Variants in FOSL2 observed in about 807,000 individuals in gnomAD.
FOSL2 encodes fos-related antigen 2.
Under a neutral mutation model 27.7 loss-of-function variants are expected in FOSL2, and 3 were observed. The observed-to-expected ratio is 0.11, with a 90% CI of 0.05 to 0.28. The LOEUF (loss-of-function observed/expected upper bound fraction) is 0.28, where lower values mean the gene tolerates loss of function less well. Ranked by LOEUF, FOSL2 falls within the 10% of genes least tolerant of loss-of-function variation. The pLI, the probability that FOSL2 is intolerant of heterozygous loss-of-function variation, is 1.00. For missense variants in FOSL2, 333 were observed against 445.1 expected, an observed-to-expected ratio of 0.75 and a Z score of 2.27; for synonymous variants, 179 against 190.1, an observed-to-expected ratio of 0.94 and a Z score of 0.48.
At position 28,413,542 on chromosome 2, in the gene FOSL2, CAAA is replaced by C. The variant is rs1664252849; in HGVS notation, c.*1095_*1097del. The C allele has an allele frequency of 5.0e-6, 2 of 398,752 alleles. No homozygotes were observed. The highest frequency in any genetic ancestry group is 7.1e-5 in the East Asian group (2 of 28,060). 24.7% of individuals were successfully genotyped at this position (398,752 alleles called of 1,614,324 possible). On this transcript the variant is annotated 3_prime_UTR_variant, in exon 4 of 4. Transcript: ENST00000264716. The stretch of plus-strand genomic sequence containing the variant: ...TGCCAGGCAGCCCCTCCCCAAGCCT[CAAA>C]GAAGCATTTGCTGAGGATGGAGAGG...
In FOSL2 at chr2:28,393,408, C is replaced by T. The variant is rs1017297479; in HGVS notation, c.-313C>T. ...GCTGAGCTCCGGCTGCGCGCGGGGG[C>T]GGGAGGGCGCGCGCAGGGGAGGGAC... On this transcript the variant is annotated 5_prime_UTR_variant, in exon 1 of 4. Transcript: ENST00000264716. This position sits in a 1 kb window ranked among gnomAD's most constrained non-coding sequence, Gnocchi z 4.6. 6.0e-6 allele frequency: 2 copies of T among 332,326 alleles called. No homozygotes were observed. Among genetic ancestry groups the T allele is most frequent in the Admixed American group, 5.2e-5 (1 of 19,180 alleles). The allele number at this position is 332,326 out of a possible 1,614,324, so 20.6% of individuals were successfully genotyped here. A position where few individuals can be genotyped will look rare whatever the true frequency, so the allele number is the denominator to read the frequency against.
intron 3 of FOSL2, chr2:28,410,440 G>GGCC: frequency 5.6e-6 from 1 of 180,074 alleles, no homozygotes. Flanking sequence ...CTCTGACCCA[G>GGCC]CCACCCAGGC....
chr2:28,404,671 A>G lies in FOSL2; in HGVS notation c.354+313A>G, dbSNP rs1664042306. On this transcript the variant is annotated intron_variant, in intron 2 of 3. Transcript: ENST00000264716. This position sits in a 1 kb window ranked among gnomAD's most constrained non-coding sequence, Gnocchi z 4.7. ...GGAAGGACCATTACGACCTGCCCACAGCAGGATCCTTCTCTGATCCTTGGC... is the reference window on the plus strand; with the variant it reads ...GGAAGGACCATTACGACCTGCCCACGGCAGGATCCTTCTCTGATCCTTGGC... Among the ~76,000 whole-genome samples, 1 of 152,210 alleles carries G rather than the reference A, an allele frequency of 6.6e-6. No individual in the cohort carries two copies. The highest frequency in any genetic ancestry group is 6.5e-5 in the Admixed American group (1 of 15,288).
In FOSL2 at chr2:28,412,074, G is replaced by T; in HGVS notation, c.607G>T (p.Ala203Ser). 6.2e-7 allele frequency: 1 copy of T among 1,607,338 alleles called. No homozygotes were observed. Residue 203 changes from alanine to serine, a missense_variant, in exon 4 of 4, where the codon GCC becomes TCC. Physicochemically the swap from Ala to Ser is moderately conservative, Grantham distance 99 (BLOSUM62 1). This residue lies in a region of FOSL2 where 136 missense variants were observed against 123.7 expected (regional missense o/e 1.10). Transcript: ENST00000264716. This position sits in a 1 kb window ranked among gnomAD's most constrained non-coding sequence, Gnocchi z 7.1. ...CCCCGAGGAGCGCCGATCGCCCCCA[G>T]CCCCTGGGCTGCAGCCCATGCGCAG... ...ISPEERRSPP[A>S]PGLQPMRSGG...
rs142372605 is a variant in FOSL2, at chr2:28,415,203, G to A, written c.*2755G>A. 53 of 152,440 alleles carry A rather than the reference G, an allele frequency of 3.5e-4. No homozygotes were observed. The highest frequency in any genetic ancestry group is 1.2e-3 in the African/African-American group (49 of 41,576). The allele number at this position is 152,440 out of a possible 1,614,324, so 9.4% of individuals were successfully genotyped here. On this transcript the variant is annotated 3_prime_UTR_variant, in exon 4 of 4. Coordinates refer to ENST00000264716, the MANE Select transcript of FOSL2 (RefSeq NM_005253.4). ...ATTGGGCTGCAGGCAGCTCTGGGAC[G>A]GCACAGGGCGGGCGCTCTGATCAGC...
chr2:28,413,371 C>T lies in FOSL2; in HGVS notation c.*923C>T. The T allele has an allele frequency of 2.5e-6, 1 of 397,750 alleles. No individual in the cohort carries two copies. Among genetic ancestry groups the T allele is most frequent in the Non-Finnish European group, 4.4e-6 (1 of 226,072 alleles). The allele number at this position is 397,750 out of a possible 1,614,324, so 24.6% of individuals were successfully genotyped here. A position where few individuals can be genotyped will look rare whatever the true frequency, so the allele number is the denominator to read the frequency against. ...TGCCATTCTGCCCCTGGACCCTTCT[C>T]TCCGGACCAGGGAGGCGTCCCTCCC... is the stretch of plus-strand genomic sequence containing the variant. On this transcript the variant is annotated 3_prime_UTR_variant, in exon 4 of 4. Coordinates refer to ENST00000264716, the MANE Select transcript of FOSL2 (RefSeq NM_005253.4).
Position 28,404,367 on chromosome 2 carries a change from C to T in FOSL2, c.354+9C>T, listed in dbSNP as rs1664036233. On this transcript the variant is annotated intron_variant, in intron 2 of 3. Transcript: ENST00000264716. The surrounding 1 kb of genome is among the most constrained non-coding windows in gnomAD (Gnocchi z 4.7). ...GGAGGAGAGATGAGCAGGTACAGCT[C>T]AGACCAGTGGGAAGGAGCCACGTCA... 4 of 1,610,332 alleles carry T rather than the reference C, an allele frequency of 2.5e-6. No individual in the cohort carries two copies. Among genetic ancestry groups the T allele is most frequent in the Non-Finnish European group, 3.4e-6 (4 of 1,177,420 alleles).
chr2:28,395,177 A>G (rs1357877067), intron 1 of FOSL2, among the ~76,000 whole-genome samples: 2 of 152,174 alleles, frequency 1.3e-5, no homozygotes, highest in Non-Finnish European at 2.9e-5. Flanking sequence ...GATGAGTTTA[A>G]AATCCGAAAA....
At chr2:28,407,075 C>G (rs756521519) in intron 2 of FOSL2, among the ~76,000 whole-genome samples, 1 of 152,230 alleles carries the variant, frequency 6.6e-6, no homozygotes, top group Non-Finnish European at 1.5e-5. Flanking sequence ...GGAGAGACTT[C>G]TAGGTCAGTC....
chr2:28,393,893 T>C lies in FOSL2; in HGVS notation c.102+71T>C. ...CCCTCTTCTCGCCGCCACTGCCTCT[T>C]TTGCTTTCTTTTCTTTTTCTTGGCG... is the stretch of plus-strand genomic sequence containing the variant. On this transcript the variant is annotated intron_variant, in intron 1 of 3. Coordinates refer to ENST00000264716, the MANE Select transcript of FOSL2 (RefSeq NM_005253.4). The surrounding 1 kb of genome is among the most constrained non-coding windows in gnomAD (Gnocchi z 4.6). 1 of 1,023,816 alleles carries C rather than the reference T, an allele frequency of 9.8e-7. No individual in the cohort carries two copies. Among genetic ancestry groups the C allele is most frequent in the Non-Finnish European group, 1.4e-6 (1 of 699,138 alleles). The allele number at this position is 1,023,816 out of a possible 1,614,324, so 63.4% of individuals were successfully genotyped here.
In FOSL2 at chr2:28,408,346, A is replaced by G. The variant is rs1423522879; in HGVS notation, c.355-413A>G. On this transcript the variant is annotated intron_variant, in intron 2 of 3. Coordinates refer to ENST00000264716, the MANE Select transcript of FOSL2 (RefSeq NM_005253.4). This position sits in a 1 kb window ranked among gnomAD's most constrained non-coding sequence, Gnocchi z 4.1. ...GAGGAGAAATTAGCCAGGGTTTGGA[A>G]GAAGCTGCTTAAGTGGGTGGGGCCA... Among the ~76,000 whole-genome samples the G allele has an allele frequency of 1.2e-4, 18 of 152,306 alleles. No individual in the cohort carries two copies. In the South Asian group the frequency reaches 3.7e-3, roughly 32 times the overall value.
rs912024728 is a variant in FOSL2, at chr2:28,412,473, C to G, written c.*25C>G. The G allele has an allele frequency of 6.3e-7, 1 of 1,587,182 alleles. No homozygotes were observed. The highest frequency in any genetic ancestry group is 8.5e-7 in the Non-Finnish European group (1 of 1,170,936). On this transcript the variant is annotated 3_prime_UTR_variant, in exon 4 of 4. Coordinates refer to ENST00000264716, the MANE Select transcript of FOSL2 (RefSeq NM_005253.4). The surrounding 1 kb of genome is among the most constrained non-coding windows in gnomAD (Gnocchi z 7.1). ...ACCCAGTGCACCTCCCTCCCCAGCT[C>G]CGGAGGGGGTCCTCCTCGCTCCTCC...
At chr2:28,395,952 T>A (rs1288740613) in intron 1 of FOSL2, among the ~76,000 whole-genome samples, 3 of 152,196 alleles carry the variant, frequency 2.0e-5, no homozygotes, top group Non-Finnish European at 4.4e-5. Flanking sequence ...AAGTCTATGC[T>A]ATGACCTTGC....
intron 3 of FOSL2, chr2:28,410,446 CAGG>C: frequency 1.3e-6 from 1 of 787,880 alleles, no homozygotes. Flanking sequence ...CCCAGCCACC[CAGG>C]CCCCTGAGCC....
Position 28,412,096 on chromosome 2 carries a change from G to T in FOSL2, c.629G>T (p.Arg210Leu), listed in dbSNP as rs377464718. 1.2e-6 allele frequency: 2 copies of T among 1,606,628 alleles called. No individual in the cohort carries two copies. Among genetic ancestry groups the T allele is most frequent in the Admixed American group, 1.7e-5 (1 of 60,010 alleles). ...SPPAPGLQPMRSGGGSVGAVV... is the reference protein window; with the variant it reads ...SPPAPGLQPMLSGGGSVGAVV... ...CCAGCCCCTGGGCTGCAGCCCATGC[G>T]CAGTGGGGGTGGCTCGGTGGGCGCT... Residue 210 changes from arginine (R) to leucine (L), a missense_variant, in exon 4 of 4, where the codon CGC becomes CTC. Transcript: ENST00000264716. This position sits in a 1 kb window ranked among gnomAD's most constrained non-coding sequence, Gnocchi z 7.1.
Position 28,412,204 on chromosome 2 carries a change from T to C in FOSL2, c.737T>C (p.Ile246Thr). ...CTGGACAAGGCCCAGCGCTCTGTCA[T>C]CAAGCCCATCAGCATTGCTGGGGGC... The part of the protein sequence containing the change: ...AGLDKAQRSV[I>T]KPISIAGGFY... Residue 246 changes from isoleucine (I) to threonine (T), a missense_variant, in exon 4 of 4, where the codon ATC becomes ACC. Transcript: ENST00000264716. The surrounding 1 kb of genome is among the most constrained non-coding windows in gnomAD (Gnocchi z 7.1). 6.2e-7 allele frequency: 1 copy of C among 1,613,108 alleles called. No homozygotes were observed. Among genetic ancestry groups the C allele is most frequent in the Non-Finnish European group, 8.5e-7 (1 of 1,179,722 alleles).
intron 1 of FOSL2, among the ~76,000 whole-genome samples, chr2:28,401,539 C>A (rs562300403): frequency 6.6e-6 from 1 of 152,310 alleles, no homozygotes; most frequent in South Asian, 2.1e-4. Context: ...TGCCTCCTGA[C>A]CCCGAGTGCA....
At chr2:28,399,920 C>T (rs1663936529) in intron 1 of FOSL2, among the ~76,000 whole-genome samples, 4 of 152,196 alleles carry the variant, frequency 2.6e-5, no homozygotes, top group Admixed American at 2.6e-4. Flanking sequence ...TATAGCCCAC[C>T]AAGCCTAAAA....
intron 1 of FOSL2, chr2:28,394,744 G>A (rs1663773885): frequency 6.6e-6 from 1 of 152,326 alleles, no homozygotes. Context: ...GGTGCTGATG[G>A]CGTGTCTGCC....
Sources: gnomAD v4.1 joint callset for allele counts (sites outside exome capture counted in the v4.1 genomes callset) on GRCh38, gnomAD v4.1.1 for gene constraint, gnomAD v4.1.1 regional missense constraint, Gnocchi (gnomAD v3.1) non-coding constraint, MANE v1.5 for transcripts, NCBI Gene and HGNC (gene_info 2026-07-23, HGNC 2026-07-21) for gene names.